PAPPA: variants seen among roughly 807,000 people sequenced by gnomAD.
The protein encoded by PAPPA is pappalysin-1.
A neutral mutation model predicts 164.0 loss-of-function variants in PAPPA; 60 were observed. The observed-to-expected ratio is 0.37, with a 90% CI of 0.30 to 0.45. The LOEUF is 0.45. Among genes scored for constraint, PAPPA ranks in the 20% least tolerant of loss-of-function variants. The pLI, the probability that PAPPA is intolerant of heterozygous loss-of-function variation, is 1.00. For missense variants in PAPPA, 1,782 were observed against 2,087.3 expected (o/e 0.85, Z 2.85); for synonymous variants, 875 against 814.1 (o/e 1.07, Z -1.27).
intron 7 of PAPPA, among the ~76,000 whole-genome samples, chr9:116,262,220 G>T (rs957011594): frequency 6.8e-6 from 1 of 147,360 alleles, no homozygotes; most frequent in African/African-American, 2.5e-5. Context: ...AAAAAAAATC[G>T]CAAAGATTCC....
At chr9:116,165,682 T>G (rs1253855484) in intron 1 of PAPPA, among the ~76,000 whole-genome samples, 2 of 152,234 alleles carry the variant, frequency 1.3e-5, no homozygotes, top group Non-Finnish European at 2.9e-5. Flanking sequence ...ATCTGAATTA[T>G]TTGAAATTCC....
chr9:116,205,336 C>T (rs1375399992), intron 2 of PAPPA, among the ~76,000 whole-genome samples: 1 of 152,208 alleles, frequency 6.6e-6, no homozygotes, highest in Non-Finnish European at 1.5e-5. Flanking sequence ...GCCCCTACCC[C>T]ACCCTTTTTC....
intron 10 of PAPPA, among the ~76,000 whole-genome samples, chr9:116,311,340 G>T (rs1845715277): frequency 6.6e-6 from 1 of 152,142 alleles, no homozygotes. Flanking sequence ...GTGCCATGGA[G>T]GAAGGAAGAC....
At chr9:116,376,983 A>G (rs912351699) in intron 19 of PAPPA, among the ~76,000 whole-genome samples, 1 of 152,168 alleles carries the variant, frequency 6.6e-6, no homozygotes, top group Admixed American at 6.5e-5. Context: ...AAGGCTTGCT[A>G]AAATGCAGAG....
chr9:116,285,171 C>CTTTCTT (rs1186068742), intron 9 of PAPPA, among the ~76,000 whole-genome samples: 3 of 89,494 alleles, frequency 3.4e-5, no homozygotes, highest in Non-Finnish European at 6.1e-5. Flanking sequence ...TTCTTTCTTT[C>CTTTCTT]TTTTTTTTTT....
At chr9:116,261,687 C>T (rs897107738) in intron 7 of PAPPA, among the ~76,000 whole-genome samples, 3 of 152,078 alleles carry the variant, frequency 2.0e-5, no homozygotes, top group South Asian at 2.1e-4. Context: ...GATTTCACAA[C>T]CTGTAATTAA....
At position 116,227,434 on chromosome 9, in the gene PAPPA, A is replaced by C. The variant is rs202064468; in HGVS notation, c.2115A>C (p.Glu705Asp). 6.2e-7 allele frequency: 1 copy of C among 1,613,912 alleles called. No homozygotes were observed. The highest frequency in any genetic ancestry group is 8.5e-7 in the Non-Finnish European group (1 of 1,179,914). Residue 705 changes from glutamate to aspartate, a missense_variant, in exon 6 of 22, where the codon GAA becomes GAC. Physicochemically the swap from Glu to Asp is conservative, Grantham distance 45. Coordinates refer to ENST00000328252, the MANE Select transcript of PAPPA (RefSeq NM_002581.5). Reference protein sequence around the residue: ...PPIDGHFFERELGSACHLCLE... With the variant: ...PPIDGHFFERDLGSACHLCLE... ...CCCTCTTTCCTTGGCCTCCTAGAGA[A>C]TTGGGATCAGCATGTCATCTTTGCC...
rs1843980206 is a variant in PAPPA at position 116,187,106 on chromosome 9, C to A, written c.416-48C>A. 1 of 1,361,494 alleles carries A rather than the reference C, an allele frequency of 7.3e-7. No individual in the cohort carries two copies. The highest frequency in any genetic ancestry group is 1.4e-5 in the African/African-American group (1 of 69,724). 84.3% of individuals were successfully genotyped at this position (1,361,494 alleles called of 1,614,324 possible). A position where few individuals can be genotyped will look rare whatever the true frequency, so the allele number is the denominator to read the frequency against. ...AGAGAAAAATAACTTAACCCCCCCT[C>A]CTTTTCCATCCTTTATTTATTCATC... On this transcript the variant is annotated intron_variant, in intron 1 of 21. Transcript: ENST00000328252. The surrounding 1 kb of genome is among the most constrained non-coding windows in gnomAD (Gnocchi z 4.2).
At chr9:116,257,207 T>C (rs1844938207) in intron 7 of PAPPA, among the ~76,000 whole-genome samples, 1 of 152,004 alleles carries the variant, frequency 6.6e-6, no homozygotes, top group Non-Finnish European at 1.5e-5. Context: ...ATTCACAATA[T>C]TTGTGAATTA....
In PAPPA at chr9:116,187,150, A is replaced by T. The variant is rs768166317; in HGVS notation, c.416-4A>T. 10 of 1,605,384 alleles carry T rather than the reference A, an allele frequency of 6.2e-6. No homozygotes were observed. Among genetic ancestry groups the T allele is most frequent in the Middle Eastern group, 1.6e-4 (1 of 6,064 alleles). On this transcript the variant is annotated splice_polypyrimidine_tract_variant and splice_region_variant and intron_variant, in intron 1 of 21. Transcript: ENST00000328252. The surrounding 1 kb of genome is among the most constrained non-coding windows in gnomAD (Gnocchi z 4.2). The stretch of plus-strand genomic sequence containing the variant: ...ATTCATCTTTCTCTTTTGGGGCCAC[A>T]TAGGGCTGTATGACAAATGTTCTTA...
intron 7 of PAPPA, among the ~76,000 whole-genome samples, chr9:116,240,987 A>G (rs754377141): frequency 5.3e-5 from 8 of 152,192 alleles, no homozygotes; most frequent in Admixed American, 1.3e-4. Context: ...AACACAATCT[A>G]TATCTATTTT....
chr9:116,308,335 T>G (rs1265077226), intron 10 of PAPPA, among the ~76,000 whole-genome samples: 1 of 152,236 alleles, frequency 6.6e-6, no homozygotes, highest in Non-Finnish European at 1.5e-5. Flanking sequence ...AGAGCCAGTG[T>G]GTAAGATAGA....
intron 10 of PAPPA, among the ~76,000 whole-genome samples, chr9:116,328,772 G>A (rs1394359862): frequency 6.6e-6 from 1 of 152,074 alleles, no homozygotes; most frequent in African/African-American, 2.4e-5. Context: ...CTTCTTCATG[G>A]AATCCAAGGA....
rs902947256 is a variant in PAPPA, at chr9:116,154,303, C to G, written c.131C>G (p.Pro44Arg). ...CGACCCCCGCGCCCCGCCGCCGGCCCGGCCACCTGCGCCACCCGGGCGGCC... is the reference window on the plus strand; with the variant it reads ...CGACCCCCGCGCCCCGCCGCCGGCCGGGCCACCTGCGCCACCCGGGCGGCC... Reference protein sequence around the residue: ...AGRPPRPAAGPATCATRAARG... With the variant: ...AGRPPRPAAGRATCATRAARG... The change falls in exon 1 of 22, where the codon CCG (proline) becomes CGG (arginine). Residue 44 changes from proline (P) to arginine (R), a missense_variant. Transcript: ENST00000328252. The surrounding 1 kb of genome is among the most constrained non-coding windows in gnomAD (Gnocchi z 5.2). The G allele has an allele frequency of 5.3e-4, 495 of 926,362 alleles. 6 individuals carry two copies. The African/African-American group carries it at 8.4e-3, about 16-fold the overall frequency. The allele number at this position is 926,362 out of a possible 1,614,324, so 57.4% of individuals were successfully genotyped here. A position where few individuals can be genotyped will look rare whatever the true frequency, so the allele number is the denominator to read the frequency against.
chr9:116,348,292 GGACT>G (rs1481616796), intron 15 of PAPPA, among the ~76,000 whole-genome samples: 1 of 151,486 alleles, frequency 6.6e-6, no homozygotes, highest in Non-Finnish European at 1.5e-5. Context: ...CTGGCAGCAA[GGACT>G]GGGCAAAGGT....
Position 116,235,598 on chromosome 9 carries a change from T to G in PAPPA, c.2693T>G (p.Val898Gly), listed in dbSNP as rs1294673214. ...CGGGACCCTCCTCTCCAGATGGATGTGGCCTCCATCCTACATCTCAATAGG... is the reference window on the plus strand; with the variant it reads ...CGGGACCCTCCTCTCCAGATGGATGGGGCCTCCATCCTACATCTCAATAGG... ...VVRDPPLQMD[V>G]ASILHLNRKF... The change falls in exon 7 of 22, where the codon GTG becomes GGG. Residue 898 changes from valine (V) to glycine (G), a missense_variant. By Grantham distance (109) the Val-to-Gly change is moderately radical (BLOSUM62 -3). This residue lies in a region of PAPPA where 1,324 missense variants were observed against 1,656.9 expected (regional missense o/e 0.80). Transcript: ENST00000328252. The G allele has an allele frequency of 6.2e-7, 1 of 1,613,160 alleles. No individual in the cohort carries two copies. The highest frequency in any genetic ancestry group is 1.3e-5 in the African/African-American group (1 of 74,898).
At chr9:116,369,944 TTGA>T (rs1846551497) in intron 19 of PAPPA, among the ~76,000 whole-genome samples, 1 of 151,886 alleles carries the variant, frequency 6.6e-6, no homozygotes, top group Non-Finnish European at 1.5e-5. Context: ...AGGGCAGAGA[TTGA>T]TGATTTCCAG....
Position 116,154,270 on chromosome 9 carries a change from G to T in PAPPA, c.98G>T (p.Arg33Leu), listed in dbSNP as rs763438393. 2.0e-5 allele frequency: 22 copies of T among 1,085,158 alleles called. No individual in the cohort carries two copies. The highest frequency in any genetic ancestry group is 2.5e-5 in the Non-Finnish European group (22 of 895,436). The allele number at this position is 1,085,158 out of a possible 1,614,324, so 67.2% of individuals were successfully genotyped here. A position where few individuals can be genotyped will look rare whatever the true frequency, so the allele number is the denominator to read the frequency against. The stretch of plus-strand genomic sequence containing the variant: ...CCCCGCCGGGCCCGGAGAGACCCGC[G>T]GGCCGGCCGACCCCCGCGCCCCGCC... ...ERPRRARRDP[R>L]AGRPPRPAAG... is the part of the protein sequence containing the mutation. Residue 33 changes from arginine (R) to leucine (L), a missense_variant, in exon 1 of 22, where the codon CGG becomes CTG. Around this residue, in one of 2 missense-constraint regions of PAPPA, gnomAD observed 458 missense variants for 430.3 expected, o/e 1.06. Coordinates refer to ENST00000328252, the MANE Select transcript of PAPPA (RefSeq NM_002581.5). This position sits in a 1 kb window ranked among gnomAD's most constrained non-coding sequence, Gnocchi z 5.2.
Position 116,235,056 on chromosome 9 carries a change from T to C in PAPPA, c.2234-83T>C, listed in dbSNP as rs373724241. 2,784 of 1,521,230 alleles carry C rather than the reference T, an allele frequency of 1.8e-3. 56 individuals are homozygous for C. In the South Asian group the frequency reaches 0.03, roughly 17 times the overall value. 94.2% of individuals were successfully genotyped at this position (1,521,230 alleles called of 1,614,324 possible). A position where few individuals can be genotyped will look rare whatever the true frequency, so the allele number is the denominator to read the frequency against. ...CTGTCTAAGTTCTAGTCAGACCAAT[T>C]TCTCCTGGGGTCCACAGGAAACTCT... On this transcript the variant is annotated intron_variant, in intron 6 of 21. Coordinates refer to ENST00000328252, the MANE Select transcript of PAPPA (RefSeq NM_002581.5).
Sources: gnomAD v4.1 joint callset for allele counts (sites outside exome capture counted in the v4.1 genomes callset) on GRCh38, gnomAD v4.1.1 for gene constraint, gnomAD v4.1.1 regional missense constraint, Gnocchi (gnomAD v3.1) non-coding constraint, MANE v1.5 for transcripts, NCBI Gene and HGNC (gene_info 2026-07-23, HGNC 2026-07-21) for gene names.